AARS1: variants seen among roughly 807,000 people sequenced by gnomAD.
AARS1 encodes alanyl-tRNA synthetase 1, also known as alanine--tRNA ligase, cytoplasmic.
Under a neutral mutation model 108.9 loss-of-function variants are expected in AARS1, and 72 were observed. The ratio of observed to expected loss-of-function variants is 0.66; its 90% confidence interval spans 0.55 to 0.80. AARS1 has a LOEUF of 0.80. Ranked by LOEUF, AARS1 falls within the 30% of genes least tolerant of loss-of-function variation. The pLI is 0.00. For missense variants in AARS1, 1,193 were observed against 1,233.2 expected, an observed-to-expected ratio of 0.97 and a Z score of 0.49; for synonymous variants, 489 against 465.7, an observed-to-expected ratio of 1.05 and a Z score of -0.64.
intron 13 of AARS1, among the ~76,000 whole-genome samples, chr16:70,260,836 A>G (rs1418498998): frequency 1.3e-5 from 2 of 151,818 alleles, no homozygotes; most frequent in Admixed American, 1.3e-4. Flanking sequence ...CTCATTTTTT[A>G]TATTTTTAGT....
intron 4 of AARS1, among the ~76,000 whole-genome samples, chr16:70,274,281 C>A (rs1006587648): frequency 7.3e-5 from 11 of 151,266 alleles, no homozygotes; most frequent in Non-Finnish European, 1.6e-4. Flanking sequence ...ACGGAGGTTG[C>A]GGTGAGCCAA....
At chr16:70,267,581 T>C (rs1188677504) in intron 9 of AARS1, 78 bp downstream of exon 9, 1 of 1,561,044 alleles carries the variant, frequency 6.4e-7, no homozygotes, top group Non-Finnish European at 8.8e-7. Flanking sequence ...GAGCCCACAG[T>C]CAGTCTGTCA....
intron 1 of AARS1, among the ~76,000 whole-genome samples, chr16:70,287,786 G>A (rs896816377): frequency 6.6e-6 from 1 of 151,916 alleles, no homozygotes; most frequent in African/African-American, 2.4e-5. Flanking sequence ...TTTTTGAGAC[G>A]GTGTTTCGCT....
intron 15 of AARS1, 38 bp from the exon 16 acceptor site, chr16:70,255,874 C>T: frequency 6.3e-7 from 1 of 1,582,508 alleles, no homozygotes; most frequent in East Asian, 2.3e-5. Context: ...TGAAAGAGGC[C>T]CTGGCAGCCC....
At chr16:70,270,369 A>G in intron 5 of AARS1, 29 bp from the exon 6 acceptor site, 2 of 1,614,054 alleles carry the variant, frequency 1.2e-6, no homozygotes, top group Non-Finnish European at 1.7e-6. Flanking sequence ...GAGGAGGTTG[A>G]AGCAGAGACT....
rs372280293 is a variant in AARS1, at chr16:70,267,651, G to GGCAA, written c.1222+7_1222+8insTTGC. ...CCAGGATGGAGAAGGGCAAAAACTGGTACCTACCGGGAATGGTCTTGCTGT... is the reference window on the plus strand; with the variant it reads ...CCAGGATGGAGAAGGGCAAAAACTGGGCAATACCTACCGGGAATGGTCTTGCTGT... On this transcript the variant is annotated splice_region_variant and intron_variant, in intron 9 of 20. Transcript: ENST00000261772. The GGCAA allele has an allele frequency of 3.0e-5, 48 of 1,614,026 alleles. No homozygotes were observed. The African/African-American group carries it at 4.5e-4, about 15-fold the overall frequency.
intron 4 of AARS1, among the ~76,000 whole-genome samples, chr16:70,274,541 T>A (rs8062097): frequency 6.6e-6 from 1 of 151,192 alleles, no homozygotes; most frequent in Non-Finnish European, 1.5e-5. Flanking sequence ...CTGGCCAACA[T>A]GATGAAACCC....
At position 70,289,436 on chromosome 16, in the gene AARS1, CGTCCCCAGCTCCTCCCTCAGA is replaced by C; in HGVS notation, c.-58_-38del. 1 of 404,604 alleles carries C rather than the reference CGTCCCCAGCTCCTCCCTCAGA, an allele frequency of 2.5e-6. No homozygotes were observed. The highest frequency in any genetic ancestry group is 2.6e-5 in the Admixed American group (1 of 37,990). 25.1% of individuals were successfully genotyped at this position (404,604 alleles called of 1,614,324 possible). On this transcript the variant is annotated 5_prime_UTR_variant, in exon 1 of 21. Transcript: ENST00000261772. ...GGCGGCCTACCTCTCCTAGGGTCGC[CGTCCCCAGCTCCTCCCTCAGA>C]GTCCCCCGCCAAGGGCCCGCTGCAC... is the stretch of plus-strand genomic sequence containing the variant.
intron 11 of AARS1, among the ~76,000 whole-genome samples, chr16:70,263,186 G>T (rs1960185578): frequency 6.6e-6 from 1 of 151,912 alleles, no homozygotes; most frequent in Admixed American, 6.6e-5. Context: ...CAGATTAGTA[G>T]ATCTTTAAGA....
intron 4 of AARS1, chr16:70,276,030 G>A (rs1266407086): frequency 2.0e-5 from 3 of 147,956 alleles, no homozygotes; most frequent in African/African-American, 5.0e-5. Flanking sequence ...TGGCCAACAT[G>A]ATGAAACCCC....
intron 12 of AARS1, among the ~76,000 whole-genome samples, chr16:70,261,754 C>G (rs919599997): frequency 6.7e-6 from 1 of 150,206 alleles, no homozygotes; most frequent in Admixed American, 6.6e-5. Context: ...ACTGCAACCA[C>G]CCTCTCCTGG....
Position 70,267,674 on chromosome 16 carries a change from T to C in AARS1, c.1207A>G (p.Ser403Gly), listed in dbSNP as rs1960295400. The C allele has an allele frequency of 4.3e-6, 7 of 1,614,186 alleles. No homozygotes were observed. The East Asian group carries it at 1.6e-4, about 36-fold the overall frequency. ...LDRKIQSLGD[S>G]KTIPGDTAWL... Reference sequence around the variant, plus strand: ...TGGTACCTACCGGGAATGGTCTTGCTGTCTCCCAGGCTCTGAATTTTCCTG... The same window carrying C: ...TGGTACCTACCGGGAATGGTCTTGCCGTCTCCCAGGCTCTGAATTTTCCTG... Residue 403 changes from serine (S) to glycine (G), a missense_variant, in exon 9 of 21, where the codon AGC (serine) becomes GGC (glycine). Ser to Gly is a moderately conservative substitution (Grantham distance 56). Transcript: ENST00000261772.
chr16:70,259,831 G>A (rs1168933465), intron 13 of AARS1, among the ~76,000 whole-genome samples: 1 of 151,668 alleles, frequency 6.6e-6, no homozygotes, highest in Non-Finnish European at 1.5e-5. Flanking sequence ...GGAGTGCTAT[G>A]GCATGATCTC....
At position 70,286,457 on chromosome 16, in the gene AARS1, C is replaced by T. The variant is rs117204433; in HGVS notation, c.-22+2964G>A. 5.5e-4 allele frequency among the ~76,000 whole-genome samples: 83 copies of T among 150,688 alleles called. 1 individual carries two copies. In the East Asian group the frequency reaches 0.015, roughly 27 times the overall value. Reference sequence around the variant, plus strand: ...TGGTGCAATCACTTGGCCTTCCAGGCTCAGGTGTTCCTCCCACCTCAGCCT... The same window carrying T: ...TGGTGCAATCACTTGGCCTTCCAGGTTCAGGTGTTCCTCCCACCTCAGCCT... On this transcript the variant is annotated intron_variant, in intron 1 of 20. Coordinates refer to ENST00000261772, the MANE Select transcript of AARS1 (RefSeq NM_001605.3).
chr16:70,261,046 C>T lies in AARS1; in HGVS notation c.1783G>A (p.Glu595Lys). 1 of 1,612,116 alleles carries T rather than the reference C, an allele frequency of 6.2e-7. No homozygotes were observed. Among genetic ancestry groups the T allele is most frequent in the African/African-American group, 1.3e-5 (1 of 74,934 alleles). Residue 595 changes from glutamate to lysine, a missense_variant and splice_region_variant, in exon 13 of 21, where the codon GAG (glutamate) becomes AAG (lysine). Glu to Lys is a moderately conservative substitution (Grantham distance 56, BLOSUM62 1). Coordinates refer to ENST00000261772, the MANE Select transcript of AARS1 (RefSeq NM_001605.3). ...VGDQVWLFIDEPRRRPIMSNH... is the reference protein window; with the variant it reads ...VGDQVWLFIDKPRRRPIMSNH... ...GGGGCCACAGTAACCCAACTCACCT[C>T]ATCAATAAACAGCCAGACCTGATCC...
At chr16:70,254,395 T>C in intron 17 of AARS1, 1 of 598,908 alleles carries the variant, frequency 1.7e-6, no homozygotes, top group Non-Finnish European at 3.0e-6. Flanking sequence ...CCATACATGC[T>C]TGGGAAGAGC....
At chr16:70,263,122 A>T (rs1445644179) in intron 11 of AARS1, among the ~76,000 whole-genome samples, 3 of 152,004 alleles carry the variant, frequency 2.0e-5, no homozygotes, top group Non-Finnish European at 4.4e-5. Context: ...CAGTGTTAAA[A>T]CTGGGACAAT....
chr16:70,257,533 T>C (rs1960021207), intron 15 of AARS1, among the ~76,000 whole-genome samples: 1 of 152,196 alleles, frequency 6.6e-6, no homozygotes. Context: ...GAATCCAAAT[T>C]GGCAGAAGTG....
intron 7 of AARS1, 83 bp downstream of exon 7, chr16:70,269,535 C>A: frequency 1.3e-6 from 2 of 1,585,806 alleles, no homozygotes; most frequent in East Asian, 2.3e-5. Flanking sequence ...CTCAATCTCA[C>A]ACACAAAGAA....
Sources: gnomAD v4.1 joint callset for allele counts (sites outside exome capture counted in the v4.1 genomes callset) on GRCh38, gnomAD v4.1.1 for gene constraint, MANE v1.5 for transcripts, NCBI Gene and HGNC (gene_info 2026-07-23, HGNC 2026-07-21) for gene names.